LIN52: variants seen among roughly 807,000 people sequenced by gnomAD.
LIN52 encodes lin-52 DREAM MuvB core complex component.
LIN52 carries 4 observed loss-of-function variants against 18.5 expected under a neutral mutation model. The observed-to-expected ratio is 0.22, with a 90% CI of 0.11 to 0.49. LIN52 has a LOEUF of 0.49. Among genes scored for constraint, LIN52 ranks in the 20% least tolerant of loss-of-function variants. LIN52 has a pLI of 0.97. For missense variants in LIN52, 102 were observed against 139.5 expected, an observed-to-expected ratio of 0.73 and a Z score of 1.35; for synonymous variants, 34 against 45.5, an observed-to-expected ratio of 0.75 and a Z score of 1.02.
intron 5 of LIN52, among the ~76,000 whole-genome samples, chr14:74,158,121 A>T (rs138716616): frequency 0.44 from 61,985 of 141,056 alleles, 14,141 homozygotes; most frequent in African/African-American, 0.6. Flanking sequence ...ATATATATAT[A>T]TATATTTTTT....
At chr14:74,092,685 T>C (rs1478980785) in intron 2 of LIN52, among the ~76,000 whole-genome samples, 1 of 149,606 alleles carries the variant, frequency 6.7e-6, no homozygotes, top group Non-Finnish European at 1.5e-5. Context: ...GGGAGGCCAA[T>C]GCGGGTGGAT....
At chr14:74,190,006 C>A (rs539932196) in intron 5 of LIN52, among the ~76,000 whole-genome samples, 5 of 152,176 alleles carry the variant, frequency 3.3e-5, no homozygotes, top group Non-Finnish European at 7.3e-5. Context: ...CATGGTGGCT[C>A]ATGCCTGTAA....
chr14:74,104,166 G>A (rs1290040134), intron 5 of LIN52, among the ~76,000 whole-genome samples: 1 of 152,050 alleles, frequency 6.6e-6, no homozygotes, highest in Admixed American at 6.6e-5. Context: ...CAAAGTGCCA[G>A]GATTACAGGA....
chr14:74,158,123 A>AT (rs757112159), intron 5 of LIN52, among the ~76,000 whole-genome samples: 7 of 147,382 alleles, frequency 4.7e-5, no homozygotes, highest in South Asian at 4.3e-4. Context: ...ATATATATAT[A>AT]TATTTTTTTG....
intron 5 of LIN52, among the ~76,000 whole-genome samples, chr14:74,166,906 G>A (rs55785954): frequency 0.1 from 15,355 of 152,142 alleles, 845 homozygotes; most frequent in South Asian, 0.18. Flanking sequence ...TGTACATTTA[G>A]CACTGGGTCT....
intron 5 of LIN52, among the ~76,000 whole-genome samples, chr14:74,185,109 A>G (rs563515316): frequency 6.6e-6 from 1 of 152,022 alleles, no homozygotes; most frequent in East Asian, 1.9e-4. Flanking sequence ...TTCTTTTAGT[A>G]GAAATCTAGG....
chr14:74,140,973 C>A (rs2061127387), intron 5 of LIN52, among the ~76,000 whole-genome samples: 1 of 151,980 alleles, frequency 6.6e-6, no homozygotes, highest in Non-Finnish European at 1.5e-5. Flanking sequence ...TAAAAGCTAT[C>A]GTAGGAACAT....
At chr14:74,097,182 T>C (rs1383057811) in intron 3 of LIN52, among the ~76,000 whole-genome samples, 3 of 152,238 alleles carry the variant, frequency 2.0e-5, no homozygotes, top group Admixed American at 6.5e-5. Context: ...TCACCAGAAC[T>C]GAATTTCAAG....
chr14:74,164,700 T>A (rs4903197), intron 5 of LIN52, among the ~76,000 whole-genome samples: 1 of 151,974 alleles, frequency 6.6e-6, no homozygotes, highest in Non-Finnish European at 1.5e-5. Flanking sequence ...CTGGGGAATC[T>A]GATCAGCCCA....
chr14:74,148,281 A>G (rs1015891816), intron 5 of LIN52, among the ~76,000 whole-genome samples: 1 of 152,196 alleles, frequency 6.6e-6, no homozygotes, highest in Admixed American at 6.6e-5. Flanking sequence ...GACCCTACCA[A>G]AGGTTCACAT....
At chr14:74,194,313 C>A (rs1032208024) in intron 5 of LIN52, among the ~76,000 whole-genome samples, 1 of 152,114 alleles carries the variant, frequency 6.6e-6, no homozygotes, top group African/African-American at 2.4e-5. Flanking sequence ...GGATAGTTAT[C>A]GTGGAAAGTG....
chr14:74,119,680 A>G (rs918315218), intron 5 of LIN52, among the ~76,000 whole-genome samples: 12 of 152,146 alleles, frequency 7.9e-5, no homozygotes, highest in African/African-American at 2.4e-4. Flanking sequence ...AATAAATGGT[A>G]TCTTAATGTG....
chr14:74,196,065 C>T (rs1164476112), intron 5 of LIN52, among the ~76,000 whole-genome samples: 2 of 152,020 alleles, frequency 1.3e-5, no homozygotes, highest in East Asian at 1.9e-4. Context: ...ATGGGACTGG[C>T]GAGTAGGAAA....
At chr14:74,175,106 T>C (rs756739453) in intron 5 of LIN52, among the ~76,000 whole-genome samples, 2 of 151,570 alleles carry the variant, frequency 1.3e-5, no homozygotes, top group Non-Finnish European at 2.9e-5. Context: ...TGTTCTGGGT[T>C]AGTCAGTGAG....
intron 2 of LIN52, among the ~76,000 whole-genome samples, chr14:74,094,444 G>T (rs2060794354): frequency 6.6e-6 from 1 of 151,928 alleles, no homozygotes; most frequent in Non-Finnish European, 1.5e-5. Flanking sequence ...ATTTTGGGGG[G>T]GACAAGATCT....
chr14:74,136,868 T>TA (rs2061100691), intron 5 of LIN52, among the ~76,000 whole-genome samples: 1 of 152,162 alleles, frequency 6.6e-6, no homozygotes. Flanking sequence ...AAGGGAGCGT[T>TA]AGAGTATTGA....
intron 5 of LIN52, among the ~76,000 whole-genome samples, chr14:74,124,123 T>C (rs2061014866): frequency 6.6e-6 from 1 of 152,116 alleles, no homozygotes; most frequent in Non-Finnish European, 1.5e-5. Context: ...TGTTCAGATA[T>C]GTTACTGGAA....
intron 5 of LIN52, among the ~76,000 whole-genome samples, chr14:74,165,913 CAG>C (rs2061247693): frequency 6.7e-6 from 1 of 149,650 alleles, no homozygotes; most frequent in South Asian, 2.1e-4. Context: ...TTTTTTGAGA[CAG>C]AGTTTCGTTC....
intron 5 of LIN52, among the ~76,000 whole-genome samples, chr14:74,164,020 C>A (rs2061237790): frequency 6.7e-6 from 1 of 150,138 alleles, no homozygotes; most frequent in Admixed American, 6.7e-5. Flanking sequence ...CTCGTGCTGT[C>A]GACCAGGCTG....
Sources: allele counts gnomAD v4.1 joint callset (sites outside exome capture counted in the v4.1 genomes callset), GRCh38; gene constraint gnomAD v4.1.1; transcripts MANE v1.5; gene names NCBI Gene and HGNC (gene_info 2026-07-23, HGNC 2026-07-21).